Variants in RAD51B observed in about 807,000 individuals in gnomAD.
RAD51B encodes RAD51 paralog B, also known as DNA repair protein RAD51 homolog 2.
A neutral mutation model predicts 42.2 loss-of-function variants in RAD51B; 38 were observed. The observed-to-expected ratio is 0.90, with a 90% CI of 0.70 to 1.18. The LOEUF (loss-of-function observed/expected upper bound fraction) is 1.18. RAD51B is among the 50% of genes most tolerant of loss of function. RAD51B has a pLI of 0.00. For missense variants in RAD51B, 373 were observed against 400.7 expected (o/e 0.93, Z 0.59); for synonymous variants, 154 against 145.2 (o/e 1.06, Z -0.43).
intron 7 of RAD51B, among the ~76,000 whole-genome samples, chr14:68,089,780 A>G (rs2077058855): frequency 6.6e-6 from 1 of 152,192 alleles, no homozygotes; most frequent in Non-Finnish European, 1.5e-5. Flanking sequence ...GACCTTTTGT[A>G]TTTAAATTAC....
chr14:68,295,720 T>C (rs951890777), intron 8 of RAD51B, among the ~76,000 whole-genome samples: 5 of 152,314 alleles, frequency 3.3e-5, no homozygotes, highest in Admixed American at 2.0e-4. Context: ...AGTCAGCCCC[T>C]GCTGCGTACT....
chr14:67,981,288 ATAAAAT>A (rs1419235706), intron 7 of RAD51B, among the ~76,000 whole-genome samples: 2 of 152,240 alleles, frequency 1.3e-5, no homozygotes, highest in African/African-American at 2.4e-5. Flanking sequence ...AAAGAAAAAA[ATAAAAT>A]TAAGAAGACT....
chr14:68,294,701 G>A (rs1287643193), intron 8 of RAD51B, among the ~76,000 whole-genome samples: 21 of 152,214 alleles, frequency 1.4e-4, no homozygotes, highest in Non-Finnish European at 5.9e-5. Context: ...CACTGATGGG[G>A]TTTTAATTCT....
intron 11 of RAD51B, among the ~76,000 whole-genome samples, chr14:68,651,102 A>T (rs960526148): frequency 2.0e-4 from 31 of 152,358 alleles, no homozygotes; most frequent in African/African-American, 7.2e-4. Context: ...TTCTATTTTA[A>T]AACCTGGTAA....
intron 7 of RAD51B, among the ~76,000 whole-genome samples, chr14:68,147,620 CT>C (rs2078279653): frequency 6.6e-6 from 1 of 152,076 alleles, no homozygotes; most frequent in South Asian, 2.1e-4. Context: ...ATTGTATCCC[CT>C]TCAAGTGCCC....
rs2842324 is a variant in RAD51B, at chr14:68,565,655, A to G, written c.1037-28830A>G. Among the ~76,000 whole-genome samples, 149,336 of 152,348 alleles carry G rather than the reference A, an allele frequency of 0.98. 73,273 individuals carry two copies. Among genetic ancestry groups the G allele is most frequent in the East Asian group, 1 (5,188 of 5,188 alleles). ...AAAGAGAGCTAATCTCCTTTACCCCATCCTTGCTGCTGTCTCTGTCTCATG... is the reference window on the plus strand; with the variant it reads ...AAAGAGAGCTAATCTCCTTTACCCCGTCCTTGCTGCTGTCTCTGTCTCATG... On this transcript the variant is annotated intron_variant, in intron 10 of 10. Coordinates refer to the RAD51B transcript ENST00000487270. This position sits in a 1 kb window ranked among gnomAD's most constrained non-coding sequence, Gnocchi z 4.1.
intron 7 of RAD51B, among the ~76,000 whole-genome samples, chr14:68,171,189 A>G (rs1958113): frequency 0.047 from 7,134 of 152,254 alleles, 467 homozygotes; most frequent in African/African-American, 0.15. Context: ...TCATTGTCTC[A>G]TATTTGTAAC....
intron 7 of RAD51B, among the ~76,000 whole-genome samples, chr14:68,263,188 C>G (rs775858049): frequency 1.9e-4 from 29 of 152,326 alleles, no homozygotes; most frequent in Non-Finnish European, 3.5e-4. Flanking sequence ...CATTTTCCCA[C>G]AACTTATGCA....
chr14:67,901,249 G>T (rs894644738), intron 7 of RAD51B, among the ~76,000 whole-genome samples: 4 of 152,182 alleles, frequency 2.6e-5, no homozygotes, highest in Non-Finnish European at 5.9e-5. Flanking sequence ...AGCCACAGGG[G>T]TACTAAAACC....
intron 8 of RAD51B, among the ~76,000 whole-genome samples, chr14:68,376,196 A>G (rs1181582902): frequency 1.3e-5 from 2 of 152,116 alleles, no homozygotes; most frequent in Admixed American, 6.5e-5. Context: ...TTCTCTGCTC[A>G]CATATTTGGA....
At chr14:68,357,153 A>G (rs1020155188) in intron 8 of RAD51B, among the ~76,000 whole-genome samples, 2 of 152,270 alleles carry the variant, frequency 1.3e-5, no homozygotes, top group South Asian at 4.1e-4. Flanking sequence ...TTGTCAACTA[A>G]GTTTCTGTGA....
At chr14:68,595,576 A>G (rs963891413) in exon 11 of RAD51B, 1 of 1,066,494 alleles carries the variant, frequency 9.4e-7, no homozygotes, top group African/African-American at 1.6e-5. Flanking sequence ...GGACTAAGTG[A>G]CTTATGACCA....
intron 10 of RAD51B, among the ~76,000 whole-genome samples, chr14:68,605,222 G>A (rs539417234): frequency 6.6e-6 from 1 of 150,718 alleles, no homozygotes; most frequent in South Asian, 2.1e-4. Context: ...TCGATGCACT[G>A]AGGGAGAGCC....
rs370346915 is a variant in RAD51B, at chr14:68,351,922, A to G, written c.854-59502A>G. ...GGACCCCTGCCAGGAGGCAGATGCAATTGTCCATGGGGGATATTCTGGTTT... is the reference window on the plus strand; with the variant it reads ...GGACCCCTGCCAGGAGGCAGATGCAGTTGTCCATGGGGGATATTCTGGTTT... On this transcript the variant is annotated intron_variant, in intron 8 of 10. Coordinates refer to ENST00000471583, the MANE Select transcript of RAD51B (RefSeq NM_133510.4). 1.9e-4 allele frequency among the ~76,000 whole-genome samples: 29 copies of G among 152,302 alleles called. No individual in the cohort carries two copies. The East Asian group carries it at 5.0e-3, about 26-fold the overall frequency.
At chr14:68,204,691 T>C (rs1301946770) in intron 7 of RAD51B, among the ~76,000 whole-genome samples, 2 of 152,202 alleles carry the variant, frequency 1.3e-5, no homozygotes. Context: ...TGGTGGAAGA[T>C]GTGATTTAAT....
In RAD51B at chr14:68,032,826, C is replaced by T. The variant is rs1184740423; in HGVS notation, c.756+145622C>T. Among the ~76,000 whole-genome samples, 4 of 152,164 alleles carry T rather than the reference C, an allele frequency of 2.6e-5. No individual in the cohort carries two copies. The East Asian group carries it at 7.7e-4, about 29-fold the overall frequency. The stretch of plus-strand genomic sequence containing the variant: ...ATCAGGTCTTATTTATCTCTTCTTT[C>T]AGCTCTATCTTATACCACTATTACC... On this transcript the variant is annotated intron_variant, in intron 7 of 10. Coordinates refer to ENST00000471583, the MANE Select transcript of RAD51B (RefSeq NM_133510.4).
intron 7 of RAD51B, among the ~76,000 whole-genome samples, chr14:68,082,823 T>G (rs1475755948): frequency 3.9e-5 from 6 of 152,192 alleles, no homozygotes; most frequent in Non-Finnish European, 7.3e-5. Flanking sequence ...CCTAATTTAG[T>G]CTGAGCCTAC....
chr14:68,353,539 A>G (rs1295649193), intron 8 of RAD51B, among the ~76,000 whole-genome samples: 1 of 152,190 alleles, frequency 6.6e-6, no homozygotes, highest in East Asian at 1.9e-4. Context: ...CTCAGTAACC[A>G]GATCTACCTT....
At chr14:67,984,410 C>T (rs543221389) in intron 7 of RAD51B, among the ~76,000 whole-genome samples, 1 of 152,290 alleles carries the variant, frequency 6.6e-6, no homozygotes, top group South Asian at 2.1e-4. Flanking sequence ...TTTAACCCTC[C>T]TAACCTTTCA....
Sources: gnomAD v4.1 joint callset for allele counts (sites outside exome capture counted in the v4.1 genomes callset) on GRCh38, gnomAD v4.1.1 for gene constraint, Gnocchi (gnomAD v3.1) non-coding constraint, MANE v1.5 for transcripts, NCBI Gene and HGNC (gene_info 2026-07-23, HGNC 2026-07-21) for gene names.